Variants in NLGN4X observed in about 807,000 individuals in gnomAD.
NLGN4X encodes the protein neuroligin-4, X-linked.
NLGN4X carries 3 observed loss-of-function variants against 40.3 expected under a neutral mutation model. The ratio of observed to expected loss-of-function variants is 0.07; its 90% CI spans 0.03 to 0.19. The LOEUF is 0.19. Ranked by LOEUF, NLGN4X falls within the 10% of genes least tolerant of loss-of-function variation. The pLI is 1.00. For missense variants in NLGN4X, 382 were observed against 708.3 expected (o/e 0.54, Z 5.23); for synonymous variants, 270 against 306.8 (o/e 0.88, Z 1.25).
intron 3 of NLGN4X, among the ~76,000 whole-genome samples, chrX:6,026,073 G>C (rs982385218): frequency 9.0e-6 from 1 of 110,587 alleles, no homozygotes; most frequent in Non-Finnish European, 1.9e-5. Context: ...CTGAGGAAAC[G>C]CTAGCTGACT....
intron 5 of NLGN4X, among the ~76,000 whole-genome samples, chrX:5,898,404 A>AAACCAAAATGAG (rs1220958780): frequency 9.3e-6 from 1 of 107,728 alleles, no homozygotes; most frequent in Non-Finnish European, 1.9e-5. Flanking sequence ...GCACATCCCA[A>AAACCAAAATGAG]CATCATTTTT....
chrX:6,208,431 A>G (rs759102670), intron 1 of NLGN4X, among the ~76,000 whole-genome samples: 1 of 112,212 alleles, frequency 8.9e-6, no homozygotes, highest in Non-Finnish European at 1.9e-5. Context: ...CCAAATGTCA[A>G]TCCGATTCTC....
At chrX:6,173,767 T>C (rs1204105938) in intron 1 of NLGN4X, among the ~76,000 whole-genome samples, 3 of 112,245 alleles carry the variant, frequency 2.7e-5, no homozygotes, top group East Asian at 2.8e-4. Context: ...CATTAAAAAC[T>C]GTGCCAAGGG....
chrX:6,016,556 T>C (rs781057628), intron 3 of NLGN4X, among the ~76,000 whole-genome samples: 8 of 111,827 alleles, frequency 7.2e-5, no homozygotes, highest in Non-Finnish European at 1.1e-4. Context: ...GAAAATAATT[T>C]GAAAGATTCT....
At chrX:6,074,130 C>T (rs1439454019) in intron 2 of NLGN4X, among the ~76,000 whole-genome samples, 2 of 111,208 alleles carry the variant, frequency 1.8e-5, no homozygotes, top group African/African-American at 6.5e-5. Flanking sequence ...ACAAGAAGCT[C>T]AGCTCATCAG....
chrX:5,908,084 G>T (rs963654862), intron 4 of NLGN4X, among the ~76,000 whole-genome samples: 1 of 100,682 alleles, frequency 9.9e-6, no homozygotes, highest in African/African-American at 3.7e-5. Flanking sequence ...AGTGGAAGGA[G>T]GGGGAGAGAG....
intron 3 of NLGN4X, among the ~76,000 whole-genome samples, chrX:5,926,789 T>TACACACATAC (rs1555921501): frequency 3.2e-5 from 3 of 93,053 alleles, no homozygotes; most frequent in Non-Finnish European, 6.4e-5. Context: ...CTAGAGAGCA[T>TACACACATAC]ACACACACAC....
chrX:6,226,742 G>C (rs1310250848), intron 1 of NLGN4X: 2 of 119,614 alleles, frequency 1.7e-5, no homozygotes, highest in Non-Finnish European at 3.4e-5. Flanking sequence ...GTAGCGACCG[G>C]CCTCTTGGAA....
chrX:5,937,052 C>CCT (rs976021341), intron 3 of NLGN4X, among the ~76,000 whole-genome samples: 2 of 109,629 alleles, frequency 1.8e-5, no homozygotes, highest in Non-Finnish European at 3.8e-5. Context: ...CTAATAAACA[C>CCT]CTCTCTCTCT....
At chrX:6,204,788 A>G (rs1037184751) in intron 1 of NLGN4X, among the ~76,000 whole-genome samples, 1 of 111,810 alleles carries the variant, frequency 8.9e-6, no homozygotes. Context: ...TATGTTTGAG[A>G]AACACTACAC....
At chrX:6,167,026 C>T (rs1373501274) in intron 1 of NLGN4X, among the ~76,000 whole-genome samples, 1 of 98,487 alleles carries the variant, frequency 1.0e-5, no homozygotes, top group Non-Finnish European at 2.0e-5. Flanking sequence ...GAGCCATGAT[C>T]GCACCACTAC....
intron 2 of NLGN4X, among the ~76,000 whole-genome samples, chrX:6,091,839 T>C (rs184850453): frequency 7.2e-5 from 8 of 111,824 alleles, no homozygotes; most frequent in South Asian, 3.8e-4. Context: ...GGTCTCACCA[T>C]TGAGTAAGAT....
intron 2 of NLGN4X, among the ~76,000 whole-genome samples, chrX:6,116,290 CAAAAAAAAA>C (rs758019203): frequency 2.5e-4 from 4 of 16,167 alleles, no homozygotes; most frequent in South Asian, 0.026. Context: ...GAGACTCTGT[CAAAAAAAAA>C]AAAAAAAAAA....
At chrX:5,981,925 T>C (rs1447525987) in intron 3 of NLGN4X, among the ~76,000 whole-genome samples, 1 of 111,884 alleles carries the variant, frequency 8.9e-6, no homozygotes, top group Non-Finnish European at 1.9e-5. Context: ...CATCAATCTT[T>C]AAGTTGATGA....
chrX:6,194,091 G>T (rs145944601), intron 1 of NLGN4X, among the ~76,000 whole-genome samples: 294 of 111,473 alleles, frequency 2.6e-3, no homozygotes, highest in African/African-American at 9.2e-3. Flanking sequence ...GCTGAGGTGG[G>T]AGGATCACTT....
At chrX:5,900,653 A>T (rs2031804913) in intron 5 of NLGN4X, among the ~76,000 whole-genome samples, 1 of 97,396 alleles carries the variant, frequency 1.0e-5, no homozygotes, top group African/African-American at 3.9e-5. Flanking sequence ...GGCCCACTGC[A>T]GCCTTGACCT....
chrX:5,910,965 A>G (rs2032448377), intron 3 of NLGN4X, among the ~76,000 whole-genome samples: 2 of 111,527 alleles, frequency 1.8e-5, no homozygotes, highest in South Asian at 7.6e-4. Flanking sequence ...CCATTTAATT[A>G]GCAATTACTA....
chrX:6,005,200 A>G (rs537332084), intron 3 of NLGN4X, among the ~76,000 whole-genome samples: 29 of 112,487 alleles, frequency 2.6e-4, no homozygotes, highest in African/African-American at 7.7e-4. Flanking sequence ...TTCTGTCCCA[A>G]TGCAGATCCC....
intron 3 of NLGN4X, among the ~76,000 whole-genome samples, chrX:5,940,597 T>C (rs1341176801): frequency 3.0e-5 from 2 of 66,656 alleles, no homozygotes; most frequent in African/African-American, 1.0e-4. Flanking sequence ...TTCTATTCTC[T>C]AGAAAAAAAA....
Sources: gnomAD v4.1 joint callset for allele counts (sites outside exome capture counted in the v4.1 genomes callset) on GRCh38, gnomAD v4.1.1 for gene constraint, MANE v1.5 for transcripts, NCBI Gene and HGNC (gene_info 2026-07-23, HGNC 2026-07-21) for gene names.